PARM1: variants seen among roughly 807,000 people sequenced by gnomAD.
PARM1 encodes the protein prostate androgen-regulated mucin-like protein 1.
In PARM1, 14 loss-of-function variants were observed where a neutral mutation model predicts 24.6. The observed-to-expected ratio is 0.57, with a 90% CI of 0.38 to 0.89. PARM1 has a LOEUF of 0.89. Among genes scored for constraint, PARM1 ranks in the 40% least tolerant of loss-of-function variants. The probability of loss-of-function intolerance (pLI) is 0.00; values close to 1 mark genes in which losing one functional copy is unlikely to be tolerated. For synonymous variants in PARM1, 179 were observed against 156.6 expected, an observed-to-expected ratio of 1.14 and a Z score of -1.07; for missense variants, 362 against 380.4, an observed-to-expected ratio of 0.95 and a Z score of 0.40.
intron 1 of PARM1, chr4:74,969,467 A>T (rs893455513): frequency 2.0e-4 from 30 of 152,236 alleles, no homozygotes; most frequent in African/African-American, 7.0e-4. Context: ...GTGCTAGGAC[A>T]TGTGTCTTGC....
intron 1 of PARM1, among the ~76,000 whole-genome samples, chr4:74,993,500 TA>T (rs1405846351): frequency 2.0e-5 from 3 of 152,164 alleles, no homozygotes; most frequent in Admixed American, 6.6e-5. Flanking sequence ...AATGTTGTTT[TA>T]AGCTACTAAG....
chr4:75,036,952 C>G (rs1723384197), intron 3 of PARM1, among the ~76,000 whole-genome samples: 1 of 151,966 alleles, frequency 6.6e-6, no homozygotes, highest in Non-Finnish European at 1.5e-5. Context: ...TCAGAAACCC[C>G]CTAAGGAAAG....
At chr4:75,019,987 G>A (rs376702559) in intron 2 of PARM1, among the ~76,000 whole-genome samples, 3 of 129,762 alleles carry the variant, frequency 2.3e-5, no homozygotes, top group African/African-American at 8.4e-5. Flanking sequence ...TCCGGCCTGG[G>A]CGACAGAACG....
chr4:74,999,687 C>T (rs553143744), intron 1 of PARM1, among the ~76,000 whole-genome samples: 7 of 152,196 alleles, frequency 4.6e-5, no homozygotes, highest in East Asian at 1.9e-4. Flanking sequence ...AACTAAGCAA[C>T]GCATAAAATA....
chr4:75,014,851 C>T (rs1460810204), intron 2 of PARM1, among the ~76,000 whole-genome samples: 1 of 152,142 alleles, frequency 6.6e-6, no homozygotes, highest in Non-Finnish European at 1.5e-5. Flanking sequence ...GAATGTGTAT[C>T]TTCAGTCTGT....
At chr4:74,968,639 G>C (rs566133317) in intron 1 of PARM1, among the ~76,000 whole-genome samples, 49 of 152,258 alleles carry the variant, frequency 3.2e-4, no homozygotes, top group African/African-American at 1.1e-3. Flanking sequence ...AGGCAGTTTG[G>C]GGTCAGTTGT....
intron 1 of PARM1, among the ~76,000 whole-genome samples, chr4:74,971,512 T>C (rs1348467398): frequency 1.3e-5 from 2 of 152,212 alleles, no homozygotes; most frequent in Non-Finnish European, 2.9e-5. Context: ...TCACAATCAA[T>C]GGCATATCCT....
At chr4:74,957,864 C>T (rs1299145895) in intron 1 of PARM1, among the ~76,000 whole-genome samples, 1 of 152,098 alleles carries the variant, frequency 6.6e-6, no homozygotes, top group Non-Finnish European at 1.5e-5. Context: ...CAAGCTGCAC[C>T]TTAATAGGCC....
At chr4:74,953,575 C>A (rs748140646) in intron 1 of PARM1, among the ~76,000 whole-genome samples, 8 of 152,140 alleles carry the variant, frequency 5.3e-5, no homozygotes, top group Non-Finnish European at 1.0e-4. Context: ...AGCTTTGAAT[C>A]TTTTTCTAAA....
intron 1 of PARM1, among the ~76,000 whole-genome samples, chr4:74,970,529 T>A (rs1722008782): frequency 6.6e-6 from 1 of 152,190 alleles, no homozygotes; most frequent in Non-Finnish European, 1.5e-5. Flanking sequence ...AAAATAAAAT[T>A]ATTCTCAGCC....
intron 1 of PARM1, among the ~76,000 whole-genome samples, chr4:74,988,607 A>G (rs141956106): frequency 3.3e-5 from 5 of 152,320 alleles, no homozygotes; most frequent in Non-Finnish European, 7.4e-5. Flanking sequence ...TTATTGGACA[A>G]GCACAAAATG....
intron 1 of PARM1, among the ~76,000 whole-genome samples, chr4:74,973,096 A>C (rs924412509): frequency 5.9e-5 from 9 of 152,222 alleles, no homozygotes; most frequent in Admixed American, 5.2e-4. Flanking sequence ...AAACCCCATC[A>C]CATGGGAGGT....
chr4:74,944,010 G>A (rs1011724544), intron 1 of PARM1, among the ~76,000 whole-genome samples: 1 of 152,126 alleles, frequency 6.6e-6, no homozygotes, highest in Non-Finnish European at 1.5e-5. Context: ...CAGAAGTCTT[G>A]CCTCAAATAA....
chr4:74,988,516 G>T (rs188405440), intron 1 of PARM1, among the ~76,000 whole-genome samples: 90 of 152,314 alleles, frequency 5.9e-4, no homozygotes, highest in Admixed American at 1.5e-3. Flanking sequence ...ACTCTGTAGC[G>T]TGGAACTTTC....
intron 3 of PARM1, among the ~76,000 whole-genome samples, chr4:75,037,632 CTG>C (rs1723398017): frequency 1.3e-5 from 2 of 152,134 alleles, no homozygotes; most frequent in Non-Finnish European, 2.9e-5. Flanking sequence ...ATGAACTGCC[CTG>C]AACCCAGGGC....
intron 3 of PARM1, among the ~76,000 whole-genome samples, chr4:75,038,093 T>G (rs2109812365): frequency 6.6e-6 from 1 of 152,250 alleles, no homozygotes; most frequent in East Asian, 1.9e-4. Context: ...ATTTTTGTAT[T>G]TTTAGTAGAG....
chr4:74,992,991 T>C (rs933756400), intron 1 of PARM1, among the ~76,000 whole-genome samples: 7 of 152,182 alleles, frequency 4.6e-5, no homozygotes, highest in African/African-American at 1.7e-4. Flanking sequence ...AGCAGACAGC[T>C]TCTAAATAGC....
chr4:74,946,220 G>A (rs889772204), intron 1 of PARM1, among the ~76,000 whole-genome samples: 2 of 152,158 alleles, frequency 1.3e-5, no homozygotes, highest in African/African-American at 4.8e-5. Flanking sequence ...TGGACTAGAC[G>A]TTGAACCCAG....
At position 74,944,811 on chromosome 4, in the gene PARM1, T is replaced by A. The variant is rs537864547; in HGVS notation, c.43+11441T>A. The stretch of plus-strand genomic sequence containing the variant: ...AGCCAAGATTTTGGTTAAAAAAAAA[T>A]TAATGTCATAAGAAACAGCTGTCTC... On this transcript the variant is annotated intron_variant, in intron 1 of 3. Coordinates refer to ENST00000307428, the MANE Select transcript of PARM1 (RefSeq NM_015393.4). Among the ~76,000 whole-genome samples the A allele has an allele frequency of 2.0e-3, 307 of 152,124 alleles. 2 individuals are homozygous for A. The highest frequency in any genetic ancestry group is 1.6e-3 in the Non-Finnish European group (106 of 67,988).
Sources: allele counts gnomAD v4.1 joint callset (sites outside exome capture counted in the v4.1 genomes callset), GRCh38; gene constraint gnomAD v4.1.1; transcripts MANE v1.5; gene names NCBI Gene and HGNC (gene_info 2026-07-23, HGNC 2026-07-21).